Variants in CACNA1D observed in about 807,000 individuals in gnomAD.
The protein encoded by CACNA1D is calcium voltage-gated channel subunit alpha1 D.
In CACNA1D, 55 loss-of-function variants were observed where a neutral mutation model predicts 257.1. That is an observed-to-expected ratio of 0.21 (90% confidence interval 0.17 to 0.27). The LOEUF is 0.27. CACNA1D is among the 10% of genes least tolerant of loss of function. The pLI is 1.00. For synonymous variants in CACNA1D, 980 were observed against 1,014.9 expected (o/e 0.97, Z 0.65); for missense variants, 1,876 against 2,784.0 (o/e 0.67, Z 7.34).
intron 14 of CACNA1D, 125 bp downstream of exon 14, chr3:53,724,124 A>G (rs983071191): frequency 1.0e-5 from 8 of 778,274 alleles, no homozygotes; most frequent in Non-Finnish European, 1.8e-5. Context: ...TGCCCTAATC[A>G]TAGCCTGGTA....
chr3:53,681,651 T>G (rs1362820617), intron 8 of CACNA1D, among the ~76,000 whole-genome samples: 1 of 152,098 alleles, frequency 6.6e-6, no homozygotes, highest in Non-Finnish European at 1.5e-5. Context: ...GCAGTGACAG[T>G]GTGGAATGAA....
chr3:53,527,289 C>T (rs1400960643), intron 3 of CACNA1D, among the ~76,000 whole-genome samples: 1 of 152,202 alleles, frequency 6.6e-6, no homozygotes, highest in East Asian at 1.9e-4. Flanking sequence ...TCTTCTACTC[C>T]AGTGTGGATT....
chr3:53,525,102 A>G (rs2091715208), intron 3 of CACNA1D, among the ~76,000 whole-genome samples: 1 of 152,144 alleles, frequency 6.6e-6, no homozygotes, highest in African/African-American at 2.4e-5. Context: ...AAGTTTTCTG[A>G]AAACTTATTT....
chr3:53,751,975 AG>A lies in CACNA1D; in HGVS notation c.3675+71del. The A allele has an allele frequency of 2.0e-6, 3 of 1,482,340 alleles. No homozygotes were observed. The highest frequency in any genetic ancestry group is 2.8e-6 in the Non-Finnish European group (3 of 1,060,296). The allele number at this position is 1,482,340 out of a possible 1,614,324, so 91.8% of individuals were successfully genotyped here. ...GCACAGCCCCGTGCCCCAAATGCTG[AG>A]GGTGGAATGCTGCCCCTCACAGGAG... On this transcript the variant is annotated intron_variant, in intron 28 of 47. Transcript: ENST00000350061. This position sits in a 1 kb window ranked among gnomAD's most constrained non-coding sequence, Gnocchi z 4.3.
chr3:53,592,425 G>A (rs1380933372), intron 3 of CACNA1D, among the ~76,000 whole-genome samples: 2 of 152,142 alleles, frequency 1.3e-5, no homozygotes, highest in East Asian at 3.9e-4. Flanking sequence ...AACATAGAAG[G>A]CCTTCTAGGA....
intron 3 of CACNA1D, among the ~76,000 whole-genome samples, chr3:53,595,094 T>G (rs79690436): frequency 1.3e-5 from 2 of 152,230 alleles, no homozygotes; most frequent in African/African-American, 4.8e-5. Flanking sequence ...GTCATCTATT[T>G]TAGTGATGCT....
rs144287359 is a variant in CACNA1D, at chr3:53,688,435, A to C, written c.1221-14206A>C. On this transcript the variant is annotated intron_variant, in intron 8 of 47. Coordinates refer to ENST00000350061, the MANE Select transcript of CACNA1D (RefSeq NM_001128840.3). ...TCCAAATCAAGGCTTTTTCTTCCTA[A>C]AATTGGAGCGCCCCATCTCTGACTT... 4.6e-3 allele frequency among the ~76,000 whole-genome samples: 704 copies of C among 152,260 alleles called. 8 individuals are homozygous for C. The highest frequency in any genetic ancestry group is 0.016 in the African/African-American group (680 of 41,544).
At chr3:53,675,251 A>G (rs2108428258) in intron 8 of CACNA1D, among the ~76,000 whole-genome samples, 1 of 152,332 alleles carries the variant, frequency 6.6e-6, no homozygotes, top group East Asian at 1.9e-4. Flanking sequence ...TGGCTCCTCA[A>G]GCCTCCGGCC....
chr3:53,793,457 G>T lies in CACNA1D; in HGVS notation c.4923+6505G>T, dbSNP rs1299878725. ...TGTGTCACTCTGTCTCAGAGGGCCG[G>T]TGTGACCGACCTTCTAGATCCAAGA... On this transcript the variant is annotated intron_variant, in intron 40 of 47. Coordinates refer to ENST00000350061, the MANE Select transcript of CACNA1D (RefSeq NM_001128840.3). The surrounding 1 kb of genome is among the most constrained non-coding windows in gnomAD (Gnocchi z 4.1). 1.3e-5 allele frequency among the ~76,000 whole-genome samples: 2 copies of T among 152,200 alleles called. No individual in the cohort carries two copies. Among genetic ancestry groups the T allele is most frequent in the African/African-American group, 4.8e-5 (2 of 41,444 alleles).
chr3:53,713,781 A>C (rs1226111823), intron 9 of CACNA1D, among the ~76,000 whole-genome samples: 1 of 152,190 alleles, frequency 6.6e-6, no homozygotes, highest in African/African-American at 2.4e-5. Context: ...TGCTCCAAGT[A>C]GGGGCCTGGC....
At chr3:53,749,207 C>T (rs1186634781) in intron 26 of CACNA1D, 61 bp from the exon 27 acceptor site, 23 of 1,205,630 alleles carry the variant, frequency 1.9e-5, no homozygotes, top group Admixed American at 1.5e-4. Context: ...GGGAAGGCAG[C>T]GGGCTGGGCC....
chr3:53,615,125 G>C (rs1380051762), intron 3 of CACNA1D, among the ~76,000 whole-genome samples: 1 of 152,118 alleles, frequency 6.6e-6, no homozygotes, highest in African/African-American at 2.4e-5. Context: ...GACATCCGTG[G>C]CTTCATTTTT....
intron 15 of CACNA1D, among the ~76,000 whole-genome samples, chr3:53,727,235 G>T (rs565246361): frequency 6.6e-6 from 1 of 152,338 alleles, no homozygotes; most frequent in South Asian, 2.1e-4. Context: ...GCAAGCCCAG[G>T]GAAGGAGCGT....
intron 3 of CACNA1D, among the ~76,000 whole-genome samples, chr3:53,624,372 A>C (rs1466972338): frequency 6.6e-6 from 1 of 152,256 alleles, no homozygotes; most frequent in African/African-American, 2.4e-5. Flanking sequence ...GAGATTCAGC[A>C]CATTAGCTAG....
chr3:53,777,655 C>T (rs1053882862), intron 37 of CACNA1D, among the ~76,000 whole-genome samples: 2 of 152,184 alleles, frequency 1.3e-5, no homozygotes, highest in Non-Finnish European at 2.9e-5. Flanking sequence ...TCCACACGTC[C>T]CCTCTGCTAC....
At chr3:53,770,950 C>T (rs558602013) in intron 32 of CACNA1D, among the ~76,000 whole-genome samples, 2 of 152,326 alleles carry the variant, frequency 1.3e-5, no homozygotes, top group South Asian at 4.1e-4. Flanking sequence ...AGTGCTGTGT[C>T]TGTTGGCTAG....
chr3:53,510,889 C>T (rs1200542373), intron 3 of CACNA1D, among the ~76,000 whole-genome samples: 1 of 152,150 alleles, frequency 6.6e-6, no homozygotes, highest in African/African-American at 2.4e-5. Flanking sequence ...TAAAAGGCAC[C>T]AAAACTTATT....
At chr3:53,547,048 AAAAAGAGGCATTTTAG>A (rs2092427762) in intron 3 of CACNA1D, among the ~76,000 whole-genome samples, 1 of 152,324 alleles carries the variant, frequency 6.6e-6, no homozygotes, top group Middle Eastern at 3.4e-3. Flanking sequence ...TGCCATGCAA[AAAAAGAGGCATTTTAG>A]AAAAGAGGGA....
Position 53,722,617 on chromosome 3 carries a change from A to G in CACNA1D, c.1666+143A>G, listed in dbSNP as rs148543855. The G allele has an allele frequency of 5.3e-4, 463 of 869,702 alleles. 4 individuals are homozygous for G. In the East Asian group the frequency reaches 9.1e-3, roughly 17 times the overall value. 53.9% of individuals were successfully genotyped at this position (869,702 alleles called of 1,614,324 possible). On this transcript the variant is annotated intron_variant, in intron 12 of 47. Transcript: ENST00000350061. Reference sequence around the variant, plus strand: ...ACAAACTTGGTAGAACCATCCAGACACAGCAACTACCAGAGCGAGGGTGCC... The same window carrying G: ...ACAAACTTGGTAGAACCATCCAGACGCAGCAACTACCAGAGCGAGGGTGCC...
Sources: allele counts gnomAD v4.1 joint callset (sites outside exome capture counted in the v4.1 genomes callset), GRCh38; gene constraint gnomAD v4.1.1; non-coding constraint Gnocchi (gnomAD v3.1); transcripts MANE v1.5; gene names NCBI Gene and HGNC (gene_info 2026-07-23, HGNC 2026-07-21).